LINGO2: variants seen among roughly 807,000 people sequenced by gnomAD.
LINGO2 encodes leucine-rich repeat and immunoglobulin-like domain-containing nogo receptor-interacting protein 2.
Under a neutral mutation model 30.6 loss-of-function variants are expected in LINGO2, and 14 were observed. The ratio of observed to expected loss-of-function variants is 0.46; its 90% CI spans 0.30 to 0.72. LINGO2 has a LOEUF of 0.72. Among genes scored for constraint, LINGO2 ranks in the 30% least tolerant of loss-of-function variants. The pLI is 0.07. For synonymous variants in LINGO2, 317 were observed against 288.5 expected, an observed-to-expected ratio of 1.10 and a Z score of -1.00; for missense variants, 729 against 751.7, an observed-to-expected ratio of 0.97 and a Z score of 0.35.
the LINGO2 span, among the ~76,000 whole-genome samples, chr9:28,783,871 A>G: frequency 6.6e-6 from 1 of 152,180 alleles, no homozygotes; most frequent in East Asian, 1.9e-4. Context: ...GTGTCTGGTG[A>G]CAGCACTCTT....
chr9:28,269,510 C>A (rs923548853), intron 4 of LINGO2, among the ~76,000 whole-genome samples: 3 of 151,766 alleles, frequency 2.0e-5, no homozygotes, highest in Non-Finnish European at 4.4e-5. Context: ...AGGACACTTT[C>A]TTCTTTCATT....
At chr9:28,580,617 T>G (rs1824214041) in intron 1 of LINGO2, among the ~76,000 whole-genome samples, 1 of 152,066 alleles carries the variant, frequency 6.6e-6, no homozygotes, top group Admixed American at 6.6e-5. Flanking sequence ...AATGGAATGT[T>G]GTATGGTTAT....
the LINGO2 span, among the ~76,000 whole-genome samples, chr9:28,904,661 C>T: frequency 6.6e-6 from 1 of 151,820 alleles, no homozygotes; most frequent in African/African-American, 2.4e-5. Flanking sequence ...ATGGCCTGTA[C>T]ACTCAAAAGT....
chr9:28,462,901 C>T (rs1412698529), intron 2 of LINGO2, among the ~76,000 whole-genome samples: 1 of 152,052 alleles, frequency 6.6e-6, no homozygotes, highest in East Asian at 1.9e-4. Context: ...TCTAAGCCAA[C>T]TTGGTGACAC....
At chr9:29,170,354 G>T in the LINGO2 span, among the ~76,000 whole-genome samples, 1 of 151,900 alleles carries the variant, frequency 6.6e-6, no homozygotes, top group Non-Finnish European at 1.5e-5. Context: ...ATAAACAAAA[G>T]GCAAAAATCA....
At chr9:29,016,580 G>T in the LINGO2 span, among the ~76,000 whole-genome samples, 1 of 152,060 alleles carries the variant, frequency 6.6e-6, no homozygotes, top group Admixed American at 6.6e-5. Context: ...AAATAAACAA[G>T]TATTTTACCA....
At chr9:28,873,390 AG>A in the LINGO2 span, among the ~76,000 whole-genome samples, 677 of 143,652 alleles carry the variant, frequency 4.7e-3, 4 homozygotes, top group African/African-American at 0.017. Context: ...AAAAAAAAAA[AG>A]AAAAAAAAAA....
At chr9:28,584,869 G>A (rs553191449) in intron 1 of LINGO2, among the ~76,000 whole-genome samples, 4 of 152,020 alleles carry the variant, frequency 2.6e-5, no homozygotes, top group Admixed American at 2.6e-4. Context: ...ACTAAATAAG[G>A]CTGATGTGAC....
chr9:27,942,562 AC>A, the LINGO2 span: 1 of 152,212 alleles, frequency 6.6e-6, no homozygotes, highest in Non-Finnish European at 1.5e-5. Flanking sequence ...AAATCAAGAT[AC>A]TTTTGTCATT....
At chr9:28,930,378 C>T in the LINGO2 span, among the ~76,000 whole-genome samples, 4 of 152,128 alleles carry the variant, frequency 2.6e-5, no homozygotes, top group Non-Finnish European at 5.9e-5. This position sits in a 1 kb window ranked among gnomAD's most constrained non-coding sequence, Gnocchi z 4.2. Context: ...TAGCAAAATG[C>T]TTGGCATCCC....
At chr9:28,355,613 C>G (rs1820170534) in intron 3 of LINGO2, among the ~76,000 whole-genome samples, 1 of 152,040 alleles carries the variant, frequency 6.6e-6, no homozygotes. Flanking sequence ...TCTCACTTCA[C>G]AGGTGGACAG....
chr9:27,950,247 A>G, exon 6 of LINGO2: 1 of 1,614,102 alleles, frequency 6.2e-7, no homozygotes, highest in Non-Finnish European at 8.5e-7. Context: ...TAGTAAAATG[A>G]CAATCTTATT....
chr9:28,810,164 G>A, the LINGO2 span, among the ~76,000 whole-genome samples: 1 of 152,092 alleles, frequency 6.6e-6, no homozygotes, highest in Non-Finnish European at 1.5e-5. Flanking sequence ...AAGCTGCTTA[G>A]GTCATTCATC....
At chr9:28,431,673 C>A (rs1469687269) in intron 2 of LINGO2, among the ~76,000 whole-genome samples, 1 of 152,154 alleles carries the variant, frequency 6.6e-6, no homozygotes, top group African/African-American at 2.4e-5. Flanking sequence ...CAGTTCATGG[C>A]AGTTCCTTGC....
intron 5 of LINGO2, among the ~76,000 whole-genome samples, chr9:27,977,645 A>G (rs1366040993): frequency 2.0e-5 from 3 of 151,938 alleles, no homozygotes; most frequent in Non-Finnish European, 4.4e-5. Flanking sequence ...ATCACTATAC[A>G]CATGTTAAAT....
intron 4 of LINGO2, among the ~76,000 whole-genome samples, chr9:28,270,828 T>G (rs572982508): frequency 1.7e-4 from 26 of 152,210 alleles, no homozygotes; most frequent in African/African-American, 5.5e-4. Flanking sequence ...GTTTAAGTGT[T>G]ACAAAACTCA....
intron 4 of LINGO2, among the ~76,000 whole-genome samples, chr9:28,165,150 T>C (rs1451901448): frequency 6.6e-6 from 1 of 152,244 alleles, no homozygotes; most frequent in Non-Finnish European, 1.5e-5. Flanking sequence ...TAGGACACTT[T>C]AAGTGCAAAC....
the LINGO2 span, among the ~76,000 whole-genome samples, chr9:29,129,964 C>T: frequency 6.6e-6 from 1 of 152,000 alleles, no homozygotes; most frequent in African/African-American, 2.4e-5. Flanking sequence ...GGATTTGTGT[C>T]AAAATAATTA....
the LINGO2 span, among the ~76,000 whole-genome samples, chr9:28,818,076 C>T: frequency 2.6e-5 from 4 of 152,162 alleles, no homozygotes; most frequent in East Asian, 7.8e-4. Context: ...AGGAGTTAAT[C>T]CTAATGTTTT....
Sources: gnomAD v4.1 joint callset for allele counts (sites outside exome capture counted in the v4.1 genomes callset) on GRCh38, gnomAD v4.1.1 for gene constraint, Gnocchi (gnomAD v3.1) non-coding constraint, MANE v1.5 for transcripts, NCBI Gene and HGNC (gene_info 2026-07-23, HGNC 2026-07-21) for gene names.